BLTP2: variants seen among roughly 807,000 people sequenced by gnomAD.
BLTP2 encodes the protein U937-associated antigen.
the BLTP2 span, among the ~76,000 whole-genome samples, chr17:28,641,006 C>T: frequency 6.6e-6 from 1 of 152,240 alleles, no homozygotes; most frequent in African/African-American, 2.4e-5. Context: ...CCTTCCTAGG[C>T]TTCAGTTTCC....
the BLTP2 span, chr17:28,638,499 T>A: frequency 1.3e-5 from 21 of 1,600,384 alleles, no homozygotes; most frequent in Non-Finnish European, 1.7e-5. Context: ...CAGATTCTTG[T>A]TCCTATTCCA....
At chr17:28,614,863 T>G in the BLTP2 span, 1 of 546,190 alleles carries the variant, frequency 1.8e-6, no homozygotes. Context: ...TCTCTGGCCC[T>G]GAGCCTGATC....
chr17:28,644,989 C>T, the BLTP2 span: 1 of 1,579,486 alleles, frequency 6.3e-7, no homozygotes, highest in Non-Finnish European at 8.6e-7. Flanking sequence ...GAACCCTCAC[C>T]GGCCTAGAAA....
the BLTP2 span, chr17:28,617,310 C>T: frequency 1.2e-6 from 2 of 1,613,376 alleles, no homozygotes; most frequent in South Asian, 1.1e-5. Context: ...TGTCATCAGA[C>T]TTATTCACCT....
chr17:28,621,249 A>G, the BLTP2 span: 1 of 1,496,008 alleles, frequency 6.7e-7, no homozygotes, highest in Non-Finnish European at 9.2e-7. Flanking sequence ...TATGTCTCAG[A>G]AACTCCAGAA....
At chr17:28,626,728 G>A in the BLTP2 span, among the ~76,000 whole-genome samples, 1 of 152,224 alleles carries the variant, frequency 6.6e-6, no homozygotes, top group Non-Finnish European at 1.5e-5. Flanking sequence ...GGTTCCTGGG[G>A]CATAGCATGC....
the BLTP2 span, chr17:28,639,375 T>G: frequency 6.2e-7 from 1 of 1,614,102 alleles, no homozygotes; most frequent in South Asian, 1.1e-5. Flanking sequence ...TGCTAGCAGG[T>G]GCAGCCAGTG....
the BLTP2 span, among the ~76,000 whole-genome samples, chr17:28,625,783 GAGATGGAGTT>G: frequency 6.6e-6 from 1 of 151,772 alleles, no homozygotes; most frequent in African/African-American, 2.4e-5. Context: ...TTCTTCCCTT[GAGATGGAGTT>G]TCACTCTTGT....
At chr17:28,642,230 C>A in the BLTP2 span, 1 of 1,604,506 alleles carries the variant, frequency 6.2e-7, no homozygotes, top group Non-Finnish European at 8.5e-7. Flanking sequence ...TCACACTTTA[C>A]GCCCAGGAGG....
chr17:28,633,835 C>T, the BLTP2 span: 3 of 1,602,074 alleles, frequency 1.9e-6, no homozygotes, highest in South Asian at 3.3e-5. Flanking sequence ...CTCAGCTCAC[C>T]TCCCATTTCA....
At chr17:28,616,187 T>A in the BLTP2 span, 1 of 1,613,936 alleles carries the variant, frequency 6.2e-7, no homozygotes, top group Non-Finnish European at 8.5e-7. This position sits in a 1 kb window ranked among gnomAD's most constrained non-coding sequence, Gnocchi z 4.8. Context: ...GTCAATGTCA[T>A]CCACAGGGTG....
chr17:28,633,094 T>C, the BLTP2 span: 6 of 1,591,478 alleles, frequency 3.8e-6, no homozygotes, highest in Non-Finnish European at 5.1e-6. Flanking sequence ...GGGGTTCCCA[T>C]GGCACAGCCA....
At chr17:28,633,467 C>A in the BLTP2 span, 1 of 1,580,274 alleles carries the variant, frequency 6.3e-7, no homozygotes. Context: ...CCCAAATCAG[C>A]ACCTGTCTCT....
At chr17:28,617,046 C>A in the BLTP2 span, 2 of 1,433,866 alleles carry the variant, frequency 1.4e-6, no homozygotes, top group East Asian at 4.8e-5. Flanking sequence ...GTCCTTCCTG[C>A]CATAAAGCAA....
At chr17:28,623,889 G>A in the BLTP2 span, 1 of 1,614,154 alleles carries the variant, frequency 6.2e-7, no homozygotes, top group Non-Finnish European at 8.5e-7. Context: ...AGGCTGGATG[G>A]TGCTGGCACT....
At chr17:28,621,380 G>T in the BLTP2 span, 1 of 1,593,878 alleles carries the variant, frequency 6.3e-7, no homozygotes, top group South Asian at 1.1e-5. Flanking sequence ...ATTTGATGCA[G>T]AGGAGGGGGA....
At chr17:28,618,851 T>C in the BLTP2 span, 1 of 1,613,890 alleles carries the variant, frequency 6.2e-7, no homozygotes, top group Non-Finnish European at 8.5e-7. Flanking sequence ...CATCTTCCTC[T>C]GTCAGGCGCC....
chr17:28,637,072 C>T, the BLTP2 span: 1 of 1,614,162 alleles, frequency 6.2e-7, no homozygotes, highest in Admixed American at 1.7e-5. Context: ...TTCTCCGTGA[C>T]TGATTTCACC....
At chr17:28,634,178 T>C in the BLTP2 span, 5 of 1,112,170 alleles carry the variant, frequency 4.5e-6, no homozygotes, top group Non-Finnish European at 6.4e-6. Context: ...TTTACCCATC[T>C]ATATTTACAA....
Sources: allele counts gnomAD v4.1 joint callset (sites outside exome capture counted in the v4.1 genomes callset), GRCh38; gene constraint gnomAD v4.1.1; non-coding constraint Gnocchi (gnomAD v3.1); transcripts MANE v1.5; gene names NCBI Gene and HGNC (gene_info 2026-07-23, HGNC 2026-07-21).